Variants in JAG2 observed in about 807,000 individuals in gnomAD.
The protein encoded by JAG2 is jagged canonical Notch ligand 2.
Under a neutral mutation model 141.7 loss-of-function variants are expected in JAG2, and 46 were observed. The ratio of observed to expected loss-of-function variants is 0.32; its 90% CI spans 0.26 to 0.42. JAG2 has a LOEUF of 0.42. Ranked by LOEUF, JAG2 falls within the 10% of genes least tolerant of loss-of-function variation. The pLI, the probability that JAG2 is intolerant of heterozygous loss-of-function variation, is 1.00. For missense variants in JAG2, 1,500 were observed against 1,817.5 expected (o/e 0.83, Z 3.18); for synonymous variants, 862 against 763.5 (o/e 1.13, Z -2.13).
chr14:105,155,442 A>C (rs1888550455), intron 5 of JAG2, 120 bp downstream of exon 5: 1 of 1,130,980 alleles, frequency 8.8e-7, no homozygotes, highest in African/African-American at 1.5e-5. Flanking sequence ...CCCGGCTCTC[A>C]CAGCTGTGTG....
In JAG2 at chr14:105,143,114, C is replaced by G. The variant is rs2140968109; in HGVS notation, c.3298G>C (p.Val1100Leu). 1.3e-6 allele frequency: 2 copies of G among 1,598,894 alleles called. No homozygotes were observed. Among genetic ancestry groups the G allele is most frequent in the Non-Finnish European group, 1.7e-6 (2 of 1,179,632 alleles). ...AFSVLWLACVVLCVWWTRKRR... is the reference protein window; with the variant it reads ...AFSVLWLACVLLCVWWTRKRR... ...TTGCGTGTCCACCACACGCACAGGA[C>G]CACGCACGCCAGCCACAGCACGCTG... Residue 1100 changes from valine (V) to leucine (L), a missense_variant, in exon 26 of 26, where the codon GTC (valine) becomes CTC (leucine). Physicochemically the swap from Val to Leu is conservative, Grantham distance 32. Transcript: ENST00000331782.
At chr14:105,150,210 G>A (rs1325336855) in intron 12 of JAG2, among the ~76,000 whole-genome samples, 3 of 151,796 alleles carry the variant, frequency 2.0e-5, no homozygotes, top group African/African-American at 7.3e-5. Context: ...TGCCCACTCC[G>A]ACCCAGGACT....
chr14:105,148,981 G>T lies in JAG2; in HGVS notation c.1862C>A (p.Ser621Tyr). The part of the protein sequence containing the change: ...RCVSQPGGNF[S>Y]CICDSGFTGT... ...AGTAAAGCCACTGTCACAGATGCAGGAAAAGTTGCCCCCTGGCTGGCTGAC... is the reference window on the plus strand; with the variant it reads ...AGTAAAGCCACTGTCACAGATGCAGTAAAAGTTGCCCCCTGGCTGGCTGAC... The change falls in exon 14 of 26, where the codon TCC becomes TAC. Residue 621 changes from serine (S) to tyrosine (Y), a missense_variant. Coordinates refer to ENST00000331782, the MANE Select transcript of JAG2 (RefSeq NM_002226.5). 1 of 1,608,102 alleles carries T rather than the reference G, an allele frequency of 6.2e-7. No individual in the cohort carries two copies. Among genetic ancestry groups the T allele is most frequent in the Non-Finnish European group, 8.5e-7 (1 of 1,177,880 alleles).
chr14:105,152,886 C>A (rs2140981912), intron 5 of JAG2, among the ~76,000 whole-genome samples: 1 of 152,272 alleles, frequency 6.6e-6, no homozygotes, highest in South Asian at 2.1e-4. Context: ...GGAGCTCCAG[C>A]TGCACCCCCA....
Position 105,149,075 on chromosome 14 carries a change from C to T in JAG2, c.1768G>A (p.Gly590Arg), listed in dbSNP as rs775816083. The part of the protein sequence containing the change: ...GGACRVIDGC[G>R]SDAGPGMPGT... ...GGCATCCCAGGCCCCGCGTCTGACC[C>T]GCAGCCATCGATCACTATGGCAGGC... is the stretch of plus-strand genomic sequence containing the variant. Residue 590 changes from glycine to arginine, a missense_variant, in exon 14 of 26, where the codon GGG (glycine) becomes AGG (arginine). Physicochemically the swap from Gly to Arg is moderately radical, Grantham distance 125. Coordinates refer to ENST00000331782, the MANE Select transcript of JAG2 (RefSeq NM_002226.5). The T allele has an allele frequency of 1.2e-5, 20 of 1,609,098 alleles. No homozygotes were observed. Among genetic ancestry groups the T allele is most frequent in the Admixed American group, 5.0e-5 (3 of 59,822 alleles).
chr14:105,167,743 T>A lies in JAG2; in HGVS notation c.417+14A>T, dbSNP rs1366584173. The stretch of plus-strand genomic sequence containing the variant: ...GAGGGAAGGGCTGGAGCACGAGGGA[T>A]GGAGCGCACGTACCGGCCAGGCGAA... On this transcript the variant is annotated intron_variant, in intron 2 of 25. Transcript: ENST00000331782. This position sits in a 1 kb window ranked among gnomAD's most constrained non-coding sequence, Gnocchi z 4.8. 2.1e-6 allele frequency: 3 copies of A among 1,447,068 alleles called. No homozygotes were observed. The highest frequency in any genetic ancestry group is 1.8e-6 in the Non-Finnish European group (2 of 1,101,336). The allele number at this position is 1,447,068 out of a possible 1,614,324, so 89.6% of individuals were successfully genotyped here.
rs587632836 is a variant in JAG2, at chr14:105,168,369, CCAG to C, written c.49_51del (p.Leu17del). ...GCCCCGCTCACCTGCACCCAGAGCG[CCAG>C]CAGCAGCAGCAGCCGCCGGGGAAGG... On this transcript the variant is annotated inframe_deletion, in exon 1 of 26. Transcript: ENST00000331782. 2,939 of 985,194 alleles carry C rather than the reference CCAG, an allele frequency of 3.0e-3. No individual in the cohort carries two copies. The highest frequency in any genetic ancestry group is 7.7e-3 in the South Asian group (299 of 38,978). The allele number at this position is 985,194 out of a possible 1,614,324, so 61.0% of individuals were successfully genotyped here.
In JAG2 at chr14:105,165,678, A is replaced by C. The variant is rs587761084; in HGVS notation, c.417+2079T>G. ...AGACCACAAGGTGGGAGAGTCACTC[A>C]GGGGGCAGGGGGTGGAGGGAGCGAA... On this transcript the variant is annotated intron_variant, in intron 2 of 25. Transcript: ENST00000331782. 3.3e-5 allele frequency among the ~76,000 whole-genome samples: 5 copies of C among 152,244 alleles called. No individual in the cohort carries two copies. In the South Asian group the frequency reaches 1.0e-3, roughly 32 times the overall value.
chr14:105,154,834 G>A lies in JAG2; in HGVS notation c.788+728C>T, dbSNP rs907141136. Among the ~76,000 whole-genome samples the A allele has an allele frequency of 1.3e-5, 2 of 151,766 alleles. No individual in the cohort carries two copies. The highest frequency in any genetic ancestry group is 4.8e-5 in the African/African-American group (2 of 41,286). On this transcript the variant is annotated intron_variant, in intron 5 of 25. Coordinates refer to ENST00000331782, the MANE Select transcript of JAG2 (RefSeq NM_002226.5). The surrounding 1 kb of genome is among the most constrained non-coding windows in gnomAD (Gnocchi z 4.4). ...CCTGCTCCTCTGTGGCATTCCTCCT[G>A]CCACCATGGCTCTGCTACTCAGCAG...
intron 2 of JAG2, among the ~76,000 whole-genome samples, chr14:105,158,430 C>A (rs1484440458): frequency 6.6e-6 from 1 of 152,150 alleles, no homozygotes; most frequent in East Asian, 1.9e-4. Flanking sequence ...CCTGGGACTG[C>A]CCAGCACAGC....
rs1024604827 is a variant in JAG2 at position 105,147,372 on chromosome 14, G to A, written c.2433C>T (p.Phe811=). ...GGICVDGVNW[F]RCECAPGFAG... ...CGAAGCCAGGTGCACACTCGCAGCG[G>A]AACCAGTTGACGCCGTCAACACAGA... Residue 811 remains phenylalanine (F), a synonymous_variant, in exon 20 of 26, where the codon TTC becomes TTT. Transcript: ENST00000331782. 2 of 1,593,924 alleles carry A rather than the reference G, an allele frequency of 1.3e-6. No individual in the cohort carries two copies. Among genetic ancestry groups the A allele is most frequent in the South Asian group, 1.1e-5 (1 of 88,396 alleles).
chr14:105,143,151 C>G lies in JAG2; in HGVS notation c.3261G>C (p.Leu1087=). Residue 1087 remains leucine, a synonymous_variant, in exon 26 of 26, where the codon CTG becomes CTC. Transcript: ENST00000331782. ...GCCACAGCACGCTGAAGGCACCACA[C>G]AGCACAGGCACCAGCAGACCTGGGG... ...GSSTGLLVPV[L]CGAFSVLWLA... is the part of the protein sequence containing the mutation. 1.3e-6 allele frequency: 2 copies of G among 1,598,524 alleles called. No homozygotes were observed. Among genetic ancestry groups the G allele is most frequent in the Non-Finnish European group, 1.7e-6 (2 of 1,179,658 alleles).
At chr14:105,151,143 C>T in intron 9 of JAG2, 39 bp from the exon 10 acceptor site, 1 of 1,566,960 alleles carries the variant, frequency 6.4e-7, no homozygotes, top group Non-Finnish European at 8.7e-7. Flanking sequence ...GGGCTCGGGC[C>T]CTGCCTGCCC....
chr14:105,157,924 A>G (rs1398100015), intron 2 of JAG2, 161 bp from the exon 3 acceptor site: 4 of 715,390 alleles, frequency 5.6e-6, no homozygotes, highest in Non-Finnish European at 9.9e-6. Flanking sequence ...CTCAGGCCAC[A>G]TCCTCTGCAG....
chr14:105,145,614 A>G (rs1382051939), intron 23 of JAG2, 117 bp downstream of exon 23: 1 of 1,324,542 alleles, frequency 7.5e-7, no homozygotes, highest in African/African-American at 1.5e-5. Flanking sequence ...TGTGACCAAG[A>G]GTGACTCTGC....
rs775670262 is a variant in JAG2 at position 105,154,634 on chromosome 14, G to A, written c.788+928C>T. Among the ~76,000 whole-genome samples the A allele has an allele frequency of 2.6e-5, 4 of 152,070 alleles. No homozygotes were observed. Among genetic ancestry groups the A allele is most frequent in the African/African-American group, 4.8e-5 (2 of 41,398 alleles). ...CCATCCGCCCTGACCTGTGGCAGCC[G>A]GGACTTGCTCCTTGGCCTCCCTCCT... On this transcript the variant is annotated intron_variant, in intron 5 of 25. Transcript: ENST00000331782. The surrounding 1 kb of genome is among the most constrained non-coding windows in gnomAD (Gnocchi z 4.4).
chr14:105,144,901 C>T (rs1325140642), intron 24 of JAG2, 29 bp downstream of exon 24: 1 of 1,594,508 alleles, frequency 6.3e-7, no homozygotes. Context: ...CAGGGCCCAC[C>T]CAGGTGCTGC....
At chr14:105,146,812 C>T in intron 20 of JAG2, 88 bp from the exon 21 acceptor site, 1 of 1,027,596 alleles carries the variant, frequency 9.7e-7, no homozygotes. Context: ...GAGCCAGTGG[C>T]ACACAGGCGC....
rs1398183141 is a variant in JAG2 at position 105,168,451 on chromosome 14, CGCCGCCGCCCGCGCCCGGCTCCCA to C, written c.-55_-32del. The C allele has an allele frequency of 6.0e-6, 4 of 664,292 alleles. No homozygotes were observed. Among genetic ancestry groups the C allele is most frequent in the Non-Finnish European group, 7.4e-6 (4 of 539,004 alleles). 41.1% of individuals were successfully genotyped at this position (664,292 alleles called of 1,614,324 possible). A position where few individuals can be genotyped will look rare whatever the true frequency, so the allele number is the denominator to read the frequency against. Reference sequence around the variant, plus strand: ...CCGCGACCCGCCCGCCCGGCCCCGCCGCCGCCGCCCGCGCCCGGCTCCCAGCCGCCGCGCCGGCCTCCCAGCGCC... The same window carrying C: ...CCGCGACCCGCCCGCCCGGCCCCGCCGCCGCCGCGCCGGCCTCCCAGCGCC... On this transcript the variant is annotated 5_prime_UTR_variant, in exon 1 of 26. Transcript: ENST00000331782.
Sources: allele counts gnomAD v4.1 joint callset (sites outside exome capture counted in the v4.1 genomes callset), GRCh38; gene constraint gnomAD v4.1.1; non-coding constraint Gnocchi (gnomAD v3.1); transcripts MANE v1.5; gene names NCBI Gene and HGNC (gene_info 2026-07-23, HGNC 2026-07-21).